Variants in LRP1B observed in about 807,000 individuals in gnomAD.
LRP1B encodes the protein low-density lipoprotein receptor-related protein 1B.
LRP1B carries 217 observed loss-of-function variants against 556.6 expected under a neutral mutation model. That is an observed-to-expected ratio of 0.39 (90% CI 0.35 to 0.44). The LOEUF (loss-of-function observed/expected upper bound fraction) is 0.44, where lower values mean the gene tolerates loss of function less well. Among genes scored for constraint, LRP1B ranks in the 20% least tolerant of loss-of-function variants. LRP1B has a pLI of 1.00. For missense variants in LRP1B, 5,053 were observed against 5,620.8 expected, an observed-to-expected ratio of 0.90 and a Z score of 3.23; for synonymous variants, 2,047 against 1,865.8, an observed-to-expected ratio of 1.10 and a Z score of -2.50.
chr2:140,828,255 G>C (rs1691578099), intron 31 of LRP1B, among the ~76,000 whole-genome samples: 1 of 152,172 alleles, frequency 6.6e-6, no homozygotes, highest in South Asian at 2.1e-4. Flanking sequence ...AATGGCAGTA[G>C]TAAGTCCTTA....
rs534905115 is a variant in LRP1B, at chr2:141,527,878, C to T, written c.206-47345G>A. On this transcript the variant is annotated intron_variant, in intron 2 of 90. Coordinates refer to ENST00000389484, the MANE Select transcript of LRP1B (RefSeq NM_018557.3). Reference sequence around the variant, plus strand: ...ATAACAGTTAATCCAATCTTGATGACTCAGGGCTATGATTTAACTCTTCTC... The same window carrying T: ...ATAACAGTTAATCCAATCTTGATGATTCAGGGCTATGATTTAACTCTTCTC... Among the ~76,000 whole-genome samples, 11 of 152,148 alleles carry T rather than the reference C, an allele frequency of 7.2e-5. 1 individual carries two copies. In the South Asian group the frequency reaches 2.1e-3, roughly 29 times the overall value.
At chr2:141,013,384 C>T (rs949277433) in intron 14 of LRP1B, among the ~76,000 whole-genome samples, 172 bp downstream of exon 14, 5 of 151,910 alleles carry the variant, frequency 3.3e-5, no homozygotes, top group African/African-American at 7.2e-5. Flanking sequence ...ATATTTAGAA[C>T]AACAAAAAGT....
intron 32 of LRP1B, among the ~76,000 whole-genome samples, chr2:140,786,959 T>C (rs1689926946): frequency 6.6e-6 from 1 of 152,114 alleles, no homozygotes. Flanking sequence ...TGCTGGGATA[T>C]TTAGAAAATA....
chr2:140,278,034 CAA>C (rs1682756588), intron 84 of LRP1B, among the ~76,000 whole-genome samples: 1 of 30,494 alleles, frequency 3.3e-5, no homozygotes, highest in South Asian at 3.5e-3. Flanking sequence ...TGCACATATA[CAA>C]ACACACACAC....
intron 2 of LRP1B, among the ~76,000 whole-genome samples, chr2:141,640,119 G>C (rs1415739266): frequency 6.6e-6 from 1 of 152,058 alleles, no homozygotes; most frequent in Non-Finnish European, 1.5e-5. Flanking sequence ...GCAAACCAAA[G>C]AAAAATTAAT....
intron 86 of LRP1B, among the ~76,000 whole-genome samples, chr2:140,263,347 G>A (rs1251134353): frequency 1.3e-5 from 2 of 152,056 alleles, no homozygotes; most frequent in Non-Finnish European, 2.9e-5. Flanking sequence ...ACAAATGGCA[G>A]CAGTTATACT....
intron 18 of LRP1B, among the ~76,000 whole-genome samples, chr2:140,977,911 T>C (rs1696653799): frequency 6.6e-6 from 1 of 152,186 alleles, no homozygotes; most frequent in African/African-American, 2.4e-5. Context: ...CCCTGGTAAT[T>C]ATTTTATTGA....
chr2:140,440,940 A>G (rs1309297886), intron 66 of LRP1B, among the ~76,000 whole-genome samples: 1 of 152,174 alleles, frequency 6.6e-6, no homozygotes, highest in African/African-American at 2.4e-5. Flanking sequence ...GTTATTTGAC[A>G]CATCCCAGTT....
intron 21 of LRP1B, 89 bp downstream of exon 21, chr2:140,922,876 T>G: frequency 8.8e-7 from 1 of 1,140,506 alleles, no homozygotes; most frequent in Non-Finnish European, 1.2e-6. Context: ...AGATTACTTT[T>G]TACAAAGGTG....
At chr2:141,516,766 A>T (rs4555282) in intron 2 of LRP1B, among the ~76,000 whole-genome samples, 144,084 of 148,138 alleles carry the variant, frequency 0.97, 70,202 homozygotes, top group East Asian at 1. Context: ...GATGTGAACT[A>T]GGCTCACTGC....
At chr2:141,206,097 C>G (rs574662386) in intron 6 of LRP1B, among the ~76,000 whole-genome samples, 1 of 151,038 alleles carries the variant, frequency 6.6e-6, no homozygotes, top group East Asian at 2.0e-4. Context: ...TATGACATAA[C>G]TGTGAATAAA....
intron 1 of LRP1B, among the ~76,000 whole-genome samples, chr2:141,886,890 T>G (rs1006672449): frequency 2.6e-5 from 4 of 152,098 alleles, no homozygotes; most frequent in Non-Finnish European, 5.9e-5. Context: ...TTGGTTGATA[T>G]CGCTGATTCA....
chr2:141,048,701 A>G (rs1179161511), intron 11 of LRP1B, among the ~76,000 whole-genome samples: 1 of 152,136 alleles, frequency 6.6e-6, no homozygotes, highest in Non-Finnish European at 1.5e-5. Flanking sequence ...ACATATCAGT[A>G]TAAATTGACA....
At chr2:140,303,128 ATTAGT>A (rs1184650169) in intron 83 of LRP1B, among the ~76,000 whole-genome samples, 5 of 148,332 alleles carry the variant, frequency 3.4e-5, no homozygotes, top group African/African-American at 7.6e-5. Context: ...ATAAATGGAG[ATTAGT>A]TTATTTATAC....
chr2:140,410,004 A>G (rs1172658073), intron 66 of LRP1B, among the ~76,000 whole-genome samples: 1 of 152,112 alleles, frequency 6.6e-6, no homozygotes, highest in African/African-American at 2.4e-5. Context: ...TGCCTTCGCC[A>G]TAAAACCCTA....
At chr2:142,123,259 G>A (rs1368941136) in intron 1 of LRP1B, among the ~76,000 whole-genome samples, 72 of 151,984 alleles carry the variant, frequency 4.7e-4, no homozygotes, top group Admixed American at 4.7e-3. Context: ...AGAAGAAAGG[G>A]CTAAGATGAC....
chr2:142,029,812 C>A (rs1271596437), intron 1 of LRP1B, among the ~76,000 whole-genome samples: 1 of 151,802 alleles, frequency 6.6e-6, no homozygotes, highest in Non-Finnish European at 1.5e-5. Context: ...TTCATGGTTT[C>A]TGGAGATCTT....
At chr2:141,314,818 A>ATG (rs1686942329) in intron 3 of LRP1B, among the ~76,000 whole-genome samples, 1 of 133,960 alleles carries the variant, frequency 7.5e-6, no homozygotes, top group Non-Finnish European at 1.6e-5. Context: ...ATTTATATAT[A>ATG]TATATATATG....
chr2:140,997,272 CA>C (rs1258952880), intron 15 of LRP1B, among the ~76,000 whole-genome samples: 1 of 151,758 alleles, frequency 6.6e-6, no homozygotes, highest in Non-Finnish European at 1.5e-5. Flanking sequence ...CAAGGCACTA[CA>C]AAAGAAAATA....
Sources: gnomAD v4.1 joint callset for allele counts (sites outside exome capture counted in the v4.1 genomes callset) on GRCh38, gnomAD v4.1.1 for gene constraint, MANE v1.5 for transcripts, NCBI Gene and HGNC (gene_info 2026-07-23, HGNC 2026-07-21) for gene names.